The following NCALD variants were observed in gnomAD, a reference collection of about 807,000 sequenced individuals.
NCALD encodes the protein neurocalcin delta, also known as neurocalcin-delta.
A neutral mutation model predicts 18.6 loss-of-function variants in NCALD; 10 were observed. The ratio of observed to expected loss-of-function variants is 0.54; its 90% CI spans 0.33 to 0.91. The LOEUF is 0.91. NCALD is among the 40% of genes least tolerant of loss of function. NCALD has a pLI of 0.03. For synonymous variants in NCALD, 88 were observed against 87.4 expected (o/e 1.01, Z -0.04); for missense variants, 184 against 247.6 (o/e 0.74, Z 1.72).
intron 2 of NCALD, among the ~76,000 whole-genome samples, chr8:101,970,367 A>G (rs900698265): frequency 1.3e-5 from 2 of 152,138 alleles, no homozygotes; most frequent in South Asian, 4.1e-4. Context: ...GCATTGTAAT[A>G]GTGCTATAAT....
intron 1 of NCALD, among the ~76,000 whole-genome samples, chr8:101,726,975 G>A (rs1816600401): frequency 6.6e-6 from 1 of 152,202 alleles, no homozygotes; most frequent in South Asian, 2.1e-4. Flanking sequence ...GAACAAAAAG[G>A]AATGACCAGC....
intron 2 of NCALD, among the ~76,000 whole-genome samples, chr8:101,980,225 C>T (rs1369107528): frequency 6.6e-6 from 1 of 152,186 alleles, no homozygotes; most frequent in Admixed American, 6.5e-5. Context: ...CCATCTTCTC[C>T]CTGCCCACTC....
intron 1 of NCALD, among the ~76,000 whole-genome samples, chr8:102,053,107 A>G (rs1823509837): frequency 6.6e-6 from 1 of 152,186 alleles, no homozygotes; most frequent in Non-Finnish European, 1.5e-5. Context: ...ACAAGGAGAC[A>G]AGCTCCCAAT....
chr8:101,906,695 A>C (rs903954131), intron 3 of NCALD, among the ~76,000 whole-genome samples: 3 of 152,214 alleles, frequency 2.0e-5, no homozygotes, highest in Admixed American at 2.0e-4. Flanking sequence ...TTTTCATGAG[A>C]TCATAGTTAA....
chr8:101,928,399 T>C (rs1326830767), intron 2 of NCALD, among the ~76,000 whole-genome samples: 3 of 152,204 alleles, frequency 2.0e-5, no homozygotes, highest in Non-Finnish European at 2.9e-5. Context: ...GTAAGCCTCT[T>C]GGACCACAGA....
At chr8:102,107,079 G>A (rs892590631) in intron 1 of NCALD, among the ~76,000 whole-genome samples, 5 of 150,004 alleles carry the variant, frequency 3.3e-5, no homozygotes, top group African/African-American at 1.2e-4. Context: ...AACTGCTGAT[G>A]TATGCTTTCC....
At chr8:102,041,218 C>A (rs1355725481) in intron 1 of NCALD, among the ~76,000 whole-genome samples, 1 of 152,178 alleles carries the variant, frequency 6.6e-6, no homozygotes, top group Non-Finnish European at 1.5e-5. Flanking sequence ...GACACATGCC[C>A]AATGTCCCCT....
chr8:102,039,017 C>A (rs1285434326), intron 1 of NCALD, among the ~76,000 whole-genome samples: 1 of 152,122 alleles, frequency 6.6e-6, no homozygotes, highest in Non-Finnish European at 1.5e-5. Flanking sequence ...TAAGTGAGGA[C>A]CCCAGCCAAC....
At chr8:101,960,163 A>G (rs548139252) in intron 2 of NCALD, among the ~76,000 whole-genome samples, 67 of 152,092 alleles carry the variant, frequency 4.4e-4, no homozygotes, top group African/African-American at 1.5e-3. Flanking sequence ...ATTCGTTTCT[A>G]TTTTCTATAC....
intron 1 of NCALD, among the ~76,000 whole-genome samples, chr8:102,095,301 G>A (rs1352610061): frequency 6.6e-6 from 1 of 152,142 alleles, no homozygotes; most frequent in Admixed American, 6.5e-5. Flanking sequence ...GGTGGCTTGT[G>A]CTAAAGAACT....
At chr8:101,770,808 T>C (rs1489892829) in intron 1 of NCALD, among the ~76,000 whole-genome samples, 1 of 152,250 alleles carries the variant, frequency 6.6e-6, no homozygotes, top group African/African-American at 2.4e-5. Context: ...AAATGTGGTT[T>C]CATCTTTATG....
chr8:101,980,021 G>A (rs538166282), intron 2 of NCALD, among the ~76,000 whole-genome samples: 18 of 152,122 alleles, frequency 1.2e-4, no homozygotes, highest in Admixed American at 1.2e-3. Flanking sequence ...AGCTCTGAGG[G>A]GCAAAAACAC....
chr8:101,874,457 C>T (rs1816145770), intron 4 of NCALD, among the ~76,000 whole-genome samples: 2 of 152,162 alleles, frequency 1.3e-5, no homozygotes, highest in Admixed American at 1.3e-4. Context: ...CTGTGATGGC[C>T]TCTTTCAGCA....
chr8:101,720,514 G>A (rs748629939), intron 1 of NCALD, among the ~76,000 whole-genome samples: 5 of 152,070 alleles, frequency 3.3e-5, no homozygotes, highest in African/African-American at 9.7e-5. Context: ...CAGACTTTTC[G>A]TATGTGTACT....
chr8:101,874,202 G>A lies in NCALD; in HGVS notation c.-20+12939C>T, dbSNP rs1473546503. Among the ~76,000 whole-genome samples, 8 of 152,156 alleles carry A rather than the reference G, an allele frequency of 5.3e-5. 1 individual carries two copies. The highest frequency in any genetic ancestry group is 4.1e-4 in the South Asian group (2 of 4,828). Reference sequence around the variant, plus strand: ...AGATTGTGTCAGAACTTGAAGGCCCGTTTGAGGACTTTCAGGAGGTTCAGC... The same window carrying A: ...AGATTGTGTCAGAACTTGAAGGCCCATTTGAGGACTTTCAGGAGGTTCAGC... On this transcript the variant is annotated intron_variant, in intron 4 of 6. Coordinates refer to the NCALD transcript ENST00000311028.
At chr8:101,796,700 G>A (rs1812651225) in intron 4 of NCALD, among the ~76,000 whole-genome samples, 2 of 152,174 alleles carry the variant, frequency 1.3e-5, no homozygotes, top group African/African-American at 4.8e-5. Flanking sequence ...AAAGGCTAAT[G>A]TGAATTTGAA....
chr8:101,897,515 A>C (rs1817243318), intron 3 of NCALD, among the ~76,000 whole-genome samples: 1 of 149,804 alleles, frequency 6.7e-6, no homozygotes, highest in Non-Finnish European at 1.5e-5. Context: ...TTAAAGTATA[A>C]TAAAAAAAAA....
chr8:101,829,401 T>G lies in NCALD; in HGVS notation c.-20+57740A>C, dbSNP rs367832081. Among the ~76,000 whole-genome samples, 19 of 152,326 alleles carry G rather than the reference T, an allele frequency of 1.2e-4. No homozygotes were observed. The East Asian group carries it at 3.3e-3, about 26-fold the overall frequency. On this transcript the variant is annotated intron_variant, in intron 4 of 6. Transcript: ENST00000311028. ...TCTCATTATACAGTGTTATAAAGAC[T>G]CCACTATATTTTAAAGGTCTTGTTT...
intron 1 of NCALD, among the ~76,000 whole-genome samples, chr8:102,099,717 G>A (rs1825213587): frequency 6.6e-6 from 1 of 152,106 alleles, no homozygotes; most frequent in African/African-American, 2.4e-5. Flanking sequence ...GCCAAGGTGG[G>A]TGGATTGCCT....
Sources: gnomAD v4.1 joint callset for allele counts (sites outside exome capture counted in the v4.1 genomes callset) on GRCh38, gnomAD v4.1.1 for gene constraint, MANE v1.5 for transcripts, NCBI Gene and HGNC (gene_info 2026-07-23, HGNC 2026-07-21) for gene names.